The following TDRKH variants were observed in gnomAD, a reference collection of about 807,000 sequenced individuals.
TDRKH encodes tudor and KH domain-containing protein.
In TDRKH, 28 loss-of-function variants were observed where a neutral mutation model predicts 61.3. That is an observed-to-expected ratio of 0.46 (90% CI 0.34 to 0.63). The LOEUF (loss-of-function observed/expected upper bound fraction) is 0.63. Among genes scored for constraint, TDRKH ranks in the 20% least tolerant of loss-of-function variants. The pLI is 0.01. For synonymous variants in TDRKH, 219 were observed against 244.4 expected (o/e 0.90, Z 0.97); for missense variants, 540 against 683.4 (o/e 0.79, Z 2.34).
At position 151,790,035 on chromosome 1, in the gene TDRKH, G is replaced by A. The variant is rs1420536547; in HGVS notation, c.-28+345C>T. Among the ~76,000 whole-genome samples, 3 of 152,182 alleles carry A rather than the reference G, an allele frequency of 2.0e-5. No homozygotes were observed. In the South Asian group the frequency reaches 6.2e-4, roughly 31 times the overall value. On this transcript the variant is annotated intron_variant, in intron 1 of 12. Transcript: ENST00000368824. Reference sequence around the variant, plus strand: ...TTAGCGATAACTAAAGAAAAAGCTGGGGAAAGTTAAAGGCAAAGTGATATA... The same window carrying A: ...TTAGCGATAACTAAAGAAAAAGCTGAGGAAAGTTAAAGGCAAAGTGATATA...
chr1:151,783,104 T>C lies in TDRKH; in HGVS notation c.-27-55A>G, dbSNP rs1649995087. 10 of 1,530,968 alleles carry C rather than the reference T, an allele frequency of 6.5e-6. No individual in the cohort carries two copies. In the Admixed American group the frequency reaches 1.1e-4, roughly 17 times the overall value. The allele number at this position is 1,530,968 out of a possible 1,614,324, so 94.8% of individuals were successfully genotyped here. On this transcript the variant is annotated intron_variant, in intron 1 of 12. Coordinates refer to ENST00000368824, the MANE Select transcript of TDRKH (RefSeq NM_001083965.2). ...AGGTTTCATCCAATCCTTTTATGAATAGCAGAGAGGCATGGGAGCACATTA... is the reference window on the plus strand; with the variant it reads ...AGGTTTCATCCAATCCTTTTATGAACAGCAGAGAGGCATGGGAGCACATTA...
At position 151,776,304 on chromosome 1, in the gene TDRKH, C is replaced by A. The variant is rs373576398; in HGVS notation, c.1045-36G>T. On this transcript the variant is annotated intron_variant, in intron 7 of 12. Transcript: ENST00000368824. ...GGAGGAGGAGAAAGGCAGAGAGTTA[C>A]AAAGTGGTAGGCTCATAAACAGAAT... The A allele has an allele frequency of 1.1e-4, 184 of 1,606,486 alleles. 1 individual carries two copies. The highest frequency in any genetic ancestry group is 1.5e-4 in the Non-Finnish European group (178 of 1,175,624).
intron 1 of TDRKH, among the ~76,000 whole-genome samples, chr1:151,787,144 GCTA>G (rs991522174): frequency 2.2e-4 from 33 of 152,276 alleles, no homozygotes; most frequent in African/African-American, 7.9e-4. Flanking sequence ...CTCCCAAACT[GCTA>G]CTTTCCTACA....
chr1:151,766,940 A>T (rs1490686095), downstream of TDRKH: 4 of 1,500,832 alleles, frequency 2.7e-6, no homozygotes, highest in African/African-American at 4.2e-5. Context: ...GTAAGGAAAA[A>T]GTAAAAGAAT....
chr1:151,770,176 A>G, downstream of TDRKH: 1 of 1,613,788 alleles, frequency 6.2e-7, no homozygotes, highest in Non-Finnish European at 8.5e-7. Context: ...TCCTAGTTTG[A>G]CTGCAACCCT....
downstream of TDRKH, chr1:151,768,129 C>T: frequency 6.2e-7 from 1 of 1,614,052 alleles, no homozygotes; most frequent in African/African-American, 1.3e-5. Flanking sequence ...ACTTTCACTT[C>T]CGCCTTACCT....
At chr1:151,772,565 TA>T (rs1250028014), downstream of TDRKH, among the ~76,000 whole-genome samples, 10 of 152,078 alleles carry the variant, frequency 6.6e-5, no homozygotes, top group South Asian at 6.2e-4. Flanking sequence ...GCTTTATCCT[TA>T]AAAAAAATTC....
chr1:151,782,228 C>T (rs1365317952), intron 2 of TDRKH, among the ~76,000 whole-genome samples: 2 of 151,940 alleles, frequency 1.3e-5, no homozygotes, highest in African/African-American at 4.8e-5. Context: ...TTTGGGAGGC[C>T]GAGGCAGGTG....
chr1:151,779,388 G>A (rs1442712137), intron 4 of TDRKH, 146 bp from the exon 5 acceptor site: 5 of 1,123,822 alleles, frequency 4.4e-6, no homozygotes, highest in Non-Finnish European at 6.1e-6. Context: ...ATGGAAATCA[G>A]GAGCTACTGA....
downstream of TDRKH, chr1:151,769,379 C>T: frequency 6.5e-6 from 1 of 154,406 alleles, no homozygotes; most frequent in East Asian, 1.9e-4. Context: ...GGAGACGCCC[C>T]TCACTTCCCA....
At chr1:151,770,350 A>G, downstream of TDRKH, 1 of 1,488,822 alleles carries the variant, frequency 6.7e-7, no homozygotes, top group Non-Finnish European at 9.0e-7. Flanking sequence ...TGTCTTTAAA[A>G]ATGCACCCTC....
chr1:151,775,950 A>C (rs1256781628), intron 8 of TDRKH, 66 bp from the exon 9 acceptor site: 3 of 1,587,538 alleles, frequency 1.9e-6, no homozygotes, highest in Non-Finnish European at 2.6e-6. Flanking sequence ...TGCTGCTTTC[A>C]GAAAGAACCA....
intron 9 of TDRKH, 33 bp downstream of exon 9, chr1:151,775,787 A>C (rs748867504): frequency 4.4e-6 from 7 of 1,599,626 alleles, no homozygotes; most frequent in Middle Eastern, 1.7e-4. Flanking sequence ...TTCTATTTGG[A>C]GGTAAGCTCA....
At chr1:151,778,567 G>C (rs2101593425) in intron 6 of TDRKH, 118 bp downstream of exon 6, 3 of 1,564,086 alleles carry the variant, frequency 1.9e-6, no homozygotes, top group East Asian at 2.2e-5. Context: ...CTTCTGTCCT[G>C]ACCCCAGCCA....
downstream of TDRKH, chr1:151,767,985 C>T (rs1648423941): frequency 7.6e-6 from 12 of 1,574,992 alleles, no homozygotes; most frequent in South Asian, 1.4e-4. Flanking sequence ...GCCCACCTTG[C>T]TTCAACGGAC....
chr1:151,771,955 G>A, downstream of TDRKH: 1 of 398,608 alleles, frequency 2.5e-6, no homozygotes, highest in East Asian at 3.6e-5. Flanking sequence ...CCAGGGCTGA[G>A]CATGCTTCAG....
At position 151,776,607 on chromosome 1, in the gene TDRKH, C is replaced by A. The variant is rs757759772; in HGVS notation, c.884-8G>T. 1.2e-6 allele frequency: 2 copies of A among 1,613,738 alleles called. No homozygotes were observed. Among genetic ancestry groups the A allele is most frequent in the South Asian group, 2.2e-5 (2 of 91,040 alleles). On this transcript the variant is annotated splice_polypyrimidine_tract_variant and splice_region_variant and intron_variant, in intron 6 of 12. Transcript: ENST00000368824. ...TGAAGTCAGGACTGGGGACTGAACA[C>A]AGAGATAAGGATGGTGGCCACATCA...
At chr1:151,785,978 C>T (rs973270688) in intron 1 of TDRKH, among the ~76,000 whole-genome samples, 3 of 152,002 alleles carry the variant, frequency 2.0e-5, no homozygotes, top group Non-Finnish European at 4.4e-5. Context: ...TAACTTATGC[C>T]ATAATTTACC....
At chr1:151,789,187 C>T (rs895616113) in intron 1 of TDRKH, among the ~76,000 whole-genome samples, 1 of 152,164 alleles carries the variant, frequency 6.6e-6, no homozygotes, top group Admixed American at 6.5e-5. Context: ...TTTTGGCCGA[C>T]TTCTATTTGA....
Sources: gnomAD v4.1 joint callset for allele counts (sites outside exome capture counted in the v4.1 genomes callset) on GRCh38, gnomAD v4.1.1 for gene constraint, MANE v1.5 for transcripts, NCBI Gene and HGNC (gene_info 2026-07-23, HGNC 2026-07-21) for gene names.